Variants in SMCHD1 observed in about 807,000 individuals in gnomAD.
SMCHD1 encodes structural maintenance of chromosomes flexible hinge domain-containing protein 1.
A neutral mutation model predicts 254.7 loss-of-function variants in SMCHD1; 78 were observed. The ratio of observed to expected loss-of-function variants is 0.31; its 90% CI spans 0.26 to 0.37. SMCHD1 has a LOEUF of 0.37. Ranked by LOEUF, SMCHD1 falls within the 10% of genes least tolerant of loss-of-function variation. The pLI is 1.00. For missense variants in SMCHD1, 1,840 were observed against 2,408.1 expected, an observed-to-expected ratio of 0.76 and a Z score of 4.94; for synonymous variants, 766 against 794.9, an observed-to-expected ratio of 0.96 and a Z score of 0.61.
chr18:2,737,474 A>T (rs925779957), intron 25 of SMCHD1, among the ~76,000 whole-genome samples: 1 of 152,166 alleles, frequency 6.6e-6, no homozygotes, highest in South Asian at 2.1e-4. Flanking sequence ...TAATCCCAGC[A>T]CTTTGAAAGG....
rs568357889 is a variant in SMCHD1 at position 2,703,647 on chromosome 18, G to C, written c.1648-45G>C. On this transcript the variant is annotated intron_variant, in intron 12 of 47. Transcript: ENST00000320876. ...ATGACAAATGTTTATGGTTATATTTGTTTGCTAGTAGCTATATTTCATAAA... is the reference window on the plus strand; with the variant it reads ...ATGACAAATGTTTATGGTTATATTTCTTTGCTAGTAGCTATATTTCATAAA... 7.0e-4 allele frequency: 1,012 copies of C among 1,441,738 alleles called. 20 individuals carry two copies. In the South Asian group the frequency reaches 0.012, roughly 17 times the overall value. The allele number at this position is 1,441,738 out of a possible 1,614,324, so 89.3% of individuals were successfully genotyped here.
At chr18:2,659,271 C>G (rs1042481392) in intron 1 of SMCHD1, among the ~76,000 whole-genome samples, 1 of 152,294 alleles carries the variant, frequency 6.6e-6, no homozygotes, top group African/African-American at 2.4e-5. Flanking sequence ...GTGCCTGCCA[C>G]CACGCCTGGC....
At chr18:2,746,712 C>T (rs190092561) in intron 29 of SMCHD1, among the ~76,000 whole-genome samples, 1 of 152,286 alleles carries the variant, frequency 6.6e-6, no homozygotes, top group Non-Finnish European at 1.5e-5. Context: ...AAGGAACTTT[C>T]TTGTTAGAGG....
chr18:2,750,741 T>A (rs950816285), intron 32 of SMCHD1, among the ~76,000 whole-genome samples: 1 of 152,102 alleles, frequency 6.6e-6, no homozygotes, highest in Non-Finnish European at 1.5e-5. Flanking sequence ...CTATACATAG[T>A]TTTAAGTAGT....
At chr18:2,753,452 G>A (rs1475810153) in intron 34 of SMCHD1, among the ~76,000 whole-genome samples, 2 of 152,054 alleles carry the variant, frequency 1.3e-5, no homozygotes, top group African/African-American at 4.8e-5. Flanking sequence ...AAAATTGCTG[G>A]GTCATAAGTT....
rs2074848094 is a variant in SMCHD1 at position 2,718,389 on chromosome 18, G to A, written c.2413G>A (p.Ala805Thr). ...VLNESNADTY[A>T]GRPLPSKAIK... ...GAATGAAAGTAATGCAGACACTTATGCAGGAAGACCACTACCATCTAAAGC... is the reference window on the plus strand; with the variant it reads ...GAATGAAAGTAATGCAGACACTTATACAGGAAGACCACTACCATCTAAAGC... The change falls in exon 19 of 48, where the codon GCA becomes ACA. Residue 805 changes from alanine to threonine, a missense_variant. By Grantham distance (58) the Ala-to-Thr change is moderately conservative. Around this residue, in one of 9 missense-constraint regions of SMCHD1, gnomAD observed 59 missense variants for 99.2 expected, o/e 0.59. Transcript: ENST00000320876. The surrounding 1 kb of genome is among the most constrained non-coding windows in gnomAD (Gnocchi z 4.6). 6.2e-7 allele frequency: 1 copy of A among 1,612,572 alleles called. No homozygotes were observed. Among genetic ancestry groups the A allele is most frequent in the Admixed American group, 1.7e-5 (1 of 59,972 alleles).
chr18:2,762,836 C>T (rs1180076129), intron 36 of SMCHD1, among the ~76,000 whole-genome samples: 1 of 152,132 alleles, frequency 6.6e-6, no homozygotes, highest in African/African-American at 2.4e-5. Flanking sequence ...GTGTATCTAT[C>T]ACGAATGAGT....
rs573969089 is a variant in SMCHD1 at position 2,803,628 on chromosome 18, T to C, written c.*1076T>C. The C allele has an allele frequency of 3.9e-5, 6 of 152,352 alleles. No individual in the cohort carries two copies. The highest frequency in any genetic ancestry group is 1.4e-4 in the African/African-American group (6 of 41,592). The allele number at this position is 152,352 out of a possible 1,614,324, so 9.4% of individuals were successfully genotyped here. On this transcript the variant is annotated 3_prime_UTR_variant, in exon 48 of 48. Coordinates refer to ENST00000320876, the MANE Select transcript of SMCHD1 (RefSeq NM_015295.3). ...TCCCTACTGAATAGATAAGTGTTTT[T>C]CTTTTTTAAAATTGGAAGCTTCATA...
At chr18:2,705,877 G>A (rs1000420680) in intron 14 of SMCHD1, 70 bp downstream of exon 14, 3 of 929,964 alleles carry the variant, frequency 3.2e-6, no homozygotes, top group African/African-American at 3.3e-5. Context: ...TTAAGATACA[G>A]TATATTTCGC....
chr18:2,777,567 A>G (rs1191937428), intron 42 of SMCHD1, among the ~76,000 whole-genome samples: 1 of 152,208 alleles, frequency 6.6e-6, no homozygotes, highest in Non-Finnish European at 1.5e-5. Flanking sequence ...TTTATTGTTA[A>G]TACAAACTAA....
chr18:2,751,870 C>T (rs1031226703), intron 33 of SMCHD1, among the ~76,000 whole-genome samples: 6 of 152,122 alleles, frequency 3.9e-5, no homozygotes, highest in South Asian at 4.1e-4. Context: ...TGTTTTTAAC[C>T]TAATATATCA....
At chr18:2,710,366 AT>A in intron 17 of SMCHD1, among the ~76,000 whole-genome samples, 1 of 152,210 alleles carries the variant, frequency 6.6e-6, no homozygotes, top group East Asian at 1.9e-4. Context: ...TGTTTTGGCT[AT>A]TTGGGTCCAT....
intron 1 of SMCHD1, among the ~76,000 whole-genome samples, chr18:2,662,846 G>C (rs544332932): frequency 2.6e-5 from 4 of 152,012 alleles, no homozygotes; most frequent in African/African-American, 4.8e-5. Flanking sequence ...TATTTCTCTA[G>C]GGTGGAATTG....
intron 39 of SMCHD1, among the ~76,000 whole-genome samples, chr18:2,770,373 CATAATA>C (rs2075956242): frequency 6.6e-6 from 1 of 152,154 alleles, no homozygotes; most frequent in Non-Finnish European, 1.5e-5. Context: ...AGGCTTTCTA[CATAATA>C]ATAATGTTTA....
intron 5 of SMCHD1, among the ~76,000 whole-genome samples, chr18:2,681,599 A>AC (rs2073930026): frequency 6.6e-6 from 1 of 151,620 alleles, no homozygotes; most frequent in African/African-American, 2.4e-5. Flanking sequence ...AAAAAAAAAA[A>AC]AAAAAAGGAT....
At chr18:2,707,414 T>A in intron 15 of SMCHD1, 149 bp from the exon 16 acceptor site, 1 of 440,866 alleles carries the variant, frequency 2.3e-6, no homozygotes, top group East Asian at 3.7e-5. Flanking sequence ...GGAAAAAAAT[T>A]TTTAGATGAT....
At chr18:2,721,665 A>G (rs563314142) in intron 19 of SMCHD1, among the ~76,000 whole-genome samples, 2 of 152,170 alleles carry the variant, frequency 1.3e-5, no homozygotes, top group African/African-American at 4.8e-5. Context: ...ACTTCTCACT[A>G]TGAGAGTTCC....
intron 25 of SMCHD1, among the ~76,000 whole-genome samples, chr18:2,735,417 T>C (rs761744205): frequency 1.3e-5 from 2 of 152,034 alleles, no homozygotes; most frequent in African/African-American, 2.4e-5. Flanking sequence ...TATTCAACTA[T>C]TGGAAGTTCT....
At chr18:2,756,015 G>T (rs2075671814) in intron 34 of SMCHD1, among the ~76,000 whole-genome samples, 1 of 152,156 alleles carries the variant, frequency 6.6e-6, no homozygotes, top group Non-Finnish European at 1.5e-5. Context: ...GTTTGCTTTA[G>T]AGTTTTTCTT....
Sources: gnomAD v4.1 joint callset for allele counts (sites outside exome capture counted in the v4.1 genomes callset) on GRCh38, gnomAD v4.1.1 for gene constraint, gnomAD v4.1.1 regional missense constraint, Gnocchi (gnomAD v3.1) non-coding constraint, MANE v1.5 for transcripts, NCBI Gene and HGNC (gene_info 2026-07-23, HGNC 2026-07-21) for gene names.